Variants in MED12L observed in about 807,000 individuals in gnomAD.
MED12L encodes the protein mediator complex subunit 12L, also known as mediator of RNA polymerase II transcription subunit 12-like protein.
A neutral mutation model predicts 281.3 loss-of-function variants in MED12L; 60 were observed. The observed-to-expected ratio is 0.21, with a 90% CI of 0.17 to 0.26. The LOEUF is 0.26. MED12L is among the 10% of genes least tolerant of loss of function. The pLI is 1.00. For synonymous variants in MED12L, 974 were observed against 987.2 expected (o/e 0.99, Z 0.25); for missense variants, 2,146 against 2,680.9 (o/e 0.80, Z 4.41).
intron 11 of MED12L, among the ~76,000 whole-genome samples, chr3:151,174,756 T>C (rs1412738769): frequency 6.6e-6 from 1 of 152,194 alleles, no homozygotes; most frequent in Non-Finnish European, 1.5e-5. Flanking sequence ...CTTGCTCTGT[T>C]GCCCAGGCTG....
At chr3:151,144,897 G>A (rs910837427) in intron 5 of MED12L, among the ~76,000 whole-genome samples, 5 of 152,074 alleles carry the variant, frequency 3.3e-5, no homozygotes, top group Non-Finnish European at 5.9e-5. Context: ...GTCCTTACCC[G>A]TCTTCCTCCA....
In MED12L at chr3:151,160,047, T is replaced by C; in HGVS notation, c.1053T>C (p.Phe351=). ...CCGTGCAGCTGGCCTTCTCAGATTT[T>C]CTTTCCTGTGCACAGCATGGTCCCC... is the stretch of plus-strand genomic sequence containing the variant. ...MSPVQLAFSD[F]LSCAQHGPLV... is the part of the protein sequence containing the mutation. The change falls in exon 8 of 45, where the codon TTT becomes TTC. Residue 351 remains phenylalanine, a synonymous_variant. Transcript: ENST00000687756. 6.2e-7 allele frequency: 1 copy of C among 1,614,232 alleles called. No homozygotes were observed.
intron 31 of MED12L, 54 bp from the exon 32 acceptor site, chr3:151,380,059 G>C: frequency 9.1e-7 from 1 of 1,098,764 alleles, no homozygotes; most frequent in Non-Finnish European, 1.3e-6. Flanking sequence ...GTTGCCAGAG[G>C]AAGTAATGCA....
At chr3:151,254,689 G>A (rs901604281) in intron 16 of MED12L, among the ~76,000 whole-genome samples, 10 of 152,168 alleles carry the variant, frequency 6.6e-5, no homozygotes, top group Admixed American at 4.6e-4. Flanking sequence ...TAAAACTTTC[G>A]CAGCATAGAT....
At chr3:151,266,775 A>G (rs1226225754) in intron 16 of MED12L, among the ~76,000 whole-genome samples, 1 of 152,210 alleles carries the variant, frequency 6.6e-6, no homozygotes, top group Non-Finnish European at 1.5e-5. Flanking sequence ...GCTGCCTGGT[A>G]AGAAGAAAGA....
chr3:151,206,193 T>A (rs1323036114), intron 16 of MED12L, among the ~76,000 whole-genome samples: 1 of 151,682 alleles, frequency 6.6e-6, no homozygotes, highest in Non-Finnish European at 1.5e-5. Context: ...GATTAAGCAG[T>A]GTAGTTTTAA....
chr3:151,353,891 CA>C (rs1316182187), intron 17 of MED12L, among the ~76,000 whole-genome samples: 1 of 151,908 alleles, frequency 6.6e-6, no homozygotes, highest in Non-Finnish European at 1.5e-5. Context: ...CCTGTAATCC[CA>C]GCACTTTGGG....
chr3:151,158,720 C>T lies in MED12L; in HGVS notation c.758C>T (p.Thr253Ile), dbSNP rs2148948299. ...EGMLEKHEYL[T>I]WILDVLEKIR... ...ATGTTAGAAAAACACGAATATTTGACATGGATCCTGGATGTTTTAGAAAAG... is the reference window on the plus strand; with the variant it reads ...ATGTTAGAAAAACACGAATATTTGATATGGATCCTGGATGTTTTAGAAAAG... Residue 253 changes from threonine to isoleucine, a missense_variant, in exon 7 of 45, where the codon ACA becomes ATA. By Grantham distance (89) the Thr-to-Ile change is moderately conservative. Around this residue, in one of 9 missense-constraint regions of MED12L, gnomAD observed 722 missense variants for 861.2 expected, o/e 0.84. Transcript: ENST00000687756. 1.2e-6 allele frequency: 2 copies of T among 1,611,832 alleles called. No individual in the cohort carries two copies. Among genetic ancestry groups the T allele is most frequent in the African/African-American group, 1.3e-5 (1 of 74,916 alleles).
At chr3:151,425,203 C>T (rs996618721) in intron 43 of MED12L, among the ~76,000 whole-genome samples, 6 of 152,140 alleles carry the variant, frequency 3.9e-5, no homozygotes, top group Non-Finnish European at 8.8e-5. Context: ...CTGATTTTGT[C>T]AGCATATGCT....
At chr3:151,369,400 G>A (rs1450693715) in intron 25 of MED12L, 36 bp from the exon 26 acceptor site, 5 of 1,350,004 alleles carry the variant, frequency 3.7e-6, no homozygotes, top group Non-Finnish European at 5.2e-6. Context: ...TACTAATGAT[G>A]GTAATGAGAC....
chr3:151,355,344 T>G (rs1753777188), intron 18 of MED12L, 105 bp downstream of exon 18: 2 of 688,978 alleles, frequency 2.9e-6, no homozygotes, highest in Non-Finnish European at 2.5e-6. Context: ...TAGACATATA[T>G]TTTATAAACA....
intron 21 of MED12L, among the ~76,000 whole-genome samples, chr3:151,363,440 T>C (rs1754876221): frequency 6.6e-6 from 1 of 152,068 alleles, no homozygotes; most frequent in South Asian, 2.1e-4. Context: ...GAGAGGAGTA[T>C]TTGGGGGAGA....
intron 2 of MED12L, among the ~76,000 whole-genome samples, chr3:151,100,817 A>G (rs902488596): frequency 3.9e-5 from 6 of 152,154 alleles, no homozygotes; most frequent in Non-Finnish European, 7.4e-5. Flanking sequence ...TTGAAATTAT[A>G]TTTTCGTTTA....
At chr3:151,126,989 C>T (rs1576783327) in intron 4 of MED12L, among the ~76,000 whole-genome samples, 1 of 152,224 alleles carries the variant, frequency 6.6e-6, no homozygotes, top group Non-Finnish European at 1.5e-5. Context: ...TCTCATTGCT[C>T]TCATCCTGCT....
chr3:151,201,836 C>T (rs375675208), intron 16 of MED12L, among the ~76,000 whole-genome samples: 30 of 152,298 alleles, frequency 2.0e-4, no homozygotes, highest in African/African-American at 7.2e-4. Context: ...CTTTCTAAGG[C>T]CCTAGGATTT....
chr3:151,309,612 C>T (rs1434494063), intron 16 of MED12L, among the ~76,000 whole-genome samples: 6 of 152,198 alleles, frequency 3.9e-5, no homozygotes, highest in Non-Finnish European at 8.8e-5. Context: ...AACTCATCTG[C>T]CTCCTCTTCT....
At chr3:151,228,066 A>G (rs1306271807) in intron 16 of MED12L, among the ~76,000 whole-genome samples, 1 of 152,198 alleles carries the variant, frequency 6.6e-6, no homozygotes, top group African/African-American at 2.4e-5. Context: ...GTCAGACCTT[A>G]ACTGTAATTG....
chr3:151,431,152 G>A (rs1477173994), intron 44 of MED12L, among the ~76,000 whole-genome samples: 3 of 152,166 alleles, frequency 2.0e-5, no homozygotes, highest in African/African-American at 4.8e-5. Context: ...GTAAATTTTG[G>A]TGTCAGCTTG....
At chr3:151,338,344 T>C (rs2149932575) in intron 16 of MED12L, 1 of 1,614,144 alleles carries the variant, frequency 6.2e-7, no homozygotes, top group East Asian at 2.2e-5. Flanking sequence ...TTCTTGTCTC[T>C]CGGCTGCCTG....
Sources: allele counts gnomAD v4.1 joint callset (sites outside exome capture counted in the v4.1 genomes callset), GRCh38; gene constraint gnomAD v4.1.1; regional missense constraint gnomAD v4.1.1; transcripts MANE v1.5; gene names NCBI Gene and HGNC (gene_info 2026-07-23, HGNC 2026-07-21).